TXNL1: variants seen among roughly 807,000 people sequenced by gnomAD.
The protein encoded by TXNL1 is thioredoxin-like protein 1.
Under a neutral mutation model 35.5 loss-of-function variants are expected in TXNL1, and 14 were observed. That is an observed-to-expected ratio of 0.39 (90% confidence interval 0.26 to 0.62). TXNL1 has a LOEUF of 0.62. Among genes scored for constraint, TXNL1 ranks in the 20% least tolerant of loss-of-function variants. The pLI is 0.47. For missense variants in TXNL1, 263 were observed against 349.7 expected (o/e 0.75, Z 1.98); for synonymous variants, 110 against 115.5 (o/e 0.95, Z 0.31).
In TXNL1 at chr18:56,602,854, C is replaced by T; in HGVS notation, c.*173G>A. On this transcript the variant is annotated 3_prime_UTR_variant, in exon 8 of 8. Transcript: ENST00000217515. ...TGGCAAAAGTGGTGACTTTTATTTACAATTGCATGTGTCAAGATTACAATG... is the reference window on the plus strand; with the variant it reads ...TGGCAAAAGTGGTGACTTTTATTTATAATTGCATGTGTCAAGATTACAATG... 2.8e-6 allele frequency: 2 copies of T among 720,398 alleles called. No individual in the cohort carries two copies. The highest frequency in any genetic ancestry group is 4.6e-6 in the Non-Finnish European group (2 of 431,024). The allele number at this position is 720,398 out of a possible 1,614,324, so 44.6% of individuals were successfully genotyped here.
In TXNL1 at chr18:56,618,055, G is replaced by C; in HGVS notation, c.441C>G (p.Asp147Glu). 3 of 1,613,850 alleles carry C rather than the reference G, an allele frequency of 1.9e-6. No individual in the cohort carries two copies. Among genetic ancestry groups the C allele is most frequent in the Non-Finnish European group, 2.5e-6 (3 of 1,179,922 alleles). The stretch of plus-strand genomic sequence containing the variant: ...AGGTTGTGTCTTTTCGTAAACAGTT[G>C]TCAAATCCATGCTCATCACTTTCAT... ...CLNESDEHGF[D>E]NCLRKDTTFL... Residue 147 changes from aspartate (D) to glutamate (E), a missense_variant, in exon 4 of 8, where the codon GAC becomes GAG. Transcript: ENST00000217515.
At chr18:56,618,191 T>A in intron 3 of TXNL1, 65 bp from the exon 4 acceptor site, 1 of 1,519,774 alleles carries the variant, frequency 6.6e-7, no homozygotes. Context: ...TTTAAAAAAT[T>A]TAAATCTCTG....
rs1219282704 is a variant in TXNL1 at position 56,618,073 on chromosome 18, A to G, written c.423T>C (p.Ser141=). 6.2e-7 allele frequency: 1 copy of G among 1,613,980 alleles called. No individual in the cohort carries two copies. The highest frequency in any genetic ancestry group is 1.7e-5 in the Admixed American group (1 of 60,020). ...NKAGCECLNE[S]DEHGFDNCLR... ...AACAGTTGTCAAATCCATGCTCATC[A>G]CTTTCATTAAGACATTCACAACCAG... Residue 141 remains serine (S), a synonymous_variant, in exon 4 of 8, where the codon AGT becomes AGC. Coordinates refer to ENST00000217515, the MANE Select transcript of TXNL1 (RefSeq NM_004786.3).
At chr18:56,630,678 C>T (rs867318256) in intron 1 of TXNL1, among the ~76,000 whole-genome samples, 1 of 152,138 alleles carries the variant, frequency 6.6e-6, no homozygotes, top group African/African-American at 2.4e-5. Flanking sequence ...TGCAGCTGAA[C>T]AGACTATTAA....
chr18:56,630,877 G>T (rs991997237), intron 1 of TXNL1, among the ~76,000 whole-genome samples: 1 of 150,460 alleles, frequency 6.6e-6, no homozygotes, highest in Non-Finnish European at 1.5e-5. Flanking sequence ...CAAATAAATC[G>T]ATCATTTTCT....
intron 3 of TXNL1, among the ~76,000 whole-genome samples, chr18:56,620,116 G>A (rs1419016198): frequency 1.3e-5 from 2 of 152,054 alleles, no homozygotes; most frequent in Non-Finnish European, 2.9e-5. Context: ...TTACAGGCGT[G>A]TGCCACCATG....
intron 1 of TXNL1, among the ~76,000 whole-genome samples, chr18:56,635,303 C>T (rs780531516): frequency 2.4e-4 from 36 of 151,972 alleles, no homozygotes; most frequent in African/African-American, 7.7e-4. Flanking sequence ...CAGGGATCCC[C>T]GCATAGCAAT....
At position 56,599,573 on chromosome 18, in the gene TXNL1, T is replaced by C. The variant is rs2023784419; in HGVS notation, c.*3454A>G. 2 of 152,222 alleles carry C rather than the reference T, an allele frequency of 1.3e-5. No homozygotes were observed. The highest frequency in any genetic ancestry group is 1.3e-4 in the Admixed American group (2 of 15,280). 9.4% of individuals were successfully genotyped at this position (152,222 alleles called of 1,614,324 possible). On this transcript the variant is annotated 3_prime_UTR_variant, in exon 8 of 8. Transcript: ENST00000217515. Reference sequence around the variant, plus strand: ...GTTCTGTGAATGGATTTTTTTTTTTTTTCTTTTGAGACAGTCTCACTCTGT... The same window carrying C: ...GTTCTGTGAATGGATTTTTTTTTTTCTTCTTTTGAGACAGTCTCACTCTGT...
In TXNL1 at chr18:56,598,861, A is replaced by G. The variant is rs1363424284; in HGVS notation, c.*4166T>C. ...GTTACTTGCTCAAGATGACACAGCT[A>G]ACAAGTGGAAGAGCAGGGATTCAAA... On this transcript the variant is annotated 3_prime_UTR_variant, in exon 8 of 8. Transcript: ENST00000217515. The G allele has an allele frequency of 6.6e-6, 1 of 152,236 alleles. No individual in the cohort carries two copies. The highest frequency in any genetic ancestry group is 1.5e-5 in the Non-Finnish European group (1 of 68,040). 9.4% of individuals were successfully genotyped at this position (152,236 alleles called of 1,614,324 possible).
intron 1 of TXNL1, among the ~76,000 whole-genome samples, chr18:56,637,446 G>C (rs1412536816): frequency 6.6e-6 from 1 of 152,146 alleles, no homozygotes; most frequent in African/African-American, 2.4e-5. Context: ...TACACAAGGA[G>C]AGATCTGTGA....
rs901847234 is a variant in TXNL1 at position 56,601,188 on chromosome 18, C to T, written c.*1839G>A. On this transcript the variant is annotated 3_prime_UTR_variant, in exon 8 of 8. Transcript: ENST00000217515. ...TGATATTTTAAATGCCAATTATGCA[C>T]ATTTATAATAGTAAGATTTCCCATT... is the stretch of plus-strand genomic sequence containing the variant. 7.2e-5 allele frequency: 11 copies of T among 152,072 alleles called. No individual in the cohort carries two copies. The highest frequency in any genetic ancestry group is 2.7e-4 in the African/African-American group (11 of 41,404). The allele number at this position is 152,072 out of a possible 1,614,324, so 9.4% of individuals were successfully genotyped here.
At chr18:56,613,554 C>G (rs2024031314) in intron 6 of TXNL1, among the ~76,000 whole-genome samples, 1 of 152,186 alleles carries the variant, frequency 6.6e-6, no homozygotes, top group African/African-American at 2.4e-5. Flanking sequence ...TGGCTGAAGC[C>G]TATAAACCCA....
At chr18:56,637,700 T>G (rs1389088720) in intron 1 of TXNL1, among the ~76,000 whole-genome samples, 5 of 152,224 alleles carry the variant, frequency 3.3e-5, no homozygotes, top group Non-Finnish European at 5.9e-5. Context: ...ATATATGTAC[T>G]GTCGTGTGTG....
intron 1 of TXNL1, among the ~76,000 whole-genome samples, chr18:56,627,824 G>C (rs2024309800): frequency 6.8e-6 from 1 of 147,840 alleles, no homozygotes; most frequent in African/African-American, 2.5e-5. Context: ...CTCAAACTAA[G>C]CAATGATTTC....
intron 1 of TXNL1, among the ~76,000 whole-genome samples, chr18:56,635,539 T>G (rs1339209592): frequency 6.6e-6 from 1 of 152,228 alleles, no homozygotes; most frequent in Non-Finnish European, 1.5e-5. Context: ...ATTTCACTTA[T>G]ATTAGGTGCC....
At chr18:56,605,218 A>G (rs1004605110) in intron 7 of TXNL1, 6 of 152,256 alleles carry the variant, frequency 3.9e-5, no homozygotes, top group Non-Finnish European at 8.8e-5. Flanking sequence ...TAGAAGCTGT[A>G]GAAATCTTGC....
rs1040684437 is a variant in TXNL1, at chr18:56,598,909, T to C, written c.*4118A>G. 1.3e-5 allele frequency: 2 copies of C among 152,190 alleles called. No individual in the cohort carries two copies. Among genetic ancestry groups the C allele is most frequent in the African/African-American group, 4.8e-5 (2 of 41,442 alleles). The allele number at this position is 152,190 out of a possible 1,614,324, so 9.4% of individuals were successfully genotyped here. A position where few individuals can be genotyped will look rare whatever the true frequency, so the allele number is the denominator to read the frequency against. On this transcript the variant is annotated 3_prime_UTR_variant, in exon 8 of 8. Coordinates refer to ENST00000217515, the MANE Select transcript of TXNL1 (RefSeq NM_004786.3). ...AAACTTCAGAGATTTTGCTCCTAGG[T>C]AGTATGATGAGCCAGTATCTCCAAA...
chr18:56,638,237 C>G, intron 1 of TXNL1, 106 bp downstream of exon 1: 1 of 1,215,142 alleles, frequency 8.2e-7, no homozygotes, highest in Non-Finnish European at 1.1e-6. Context: ...CGGCGACTGC[C>G]GGACACTCCG....
At chr18:56,621,824 A>C (rs1169556201) in intron 3 of TXNL1, among the ~76,000 whole-genome samples, 2 of 151,586 alleles carry the variant, frequency 1.3e-5, no homozygotes, top group Non-Finnish European at 2.9e-5. Flanking sequence ...ACATGGTGAA[A>C]CCCCCTCTCT....
Sources: gnomAD v4.1 joint callset for allele counts (sites outside exome capture counted in the v4.1 genomes callset) on GRCh38, gnomAD v4.1.1 for gene constraint, MANE v1.5 for transcripts, NCBI Gene and HGNC (gene_info 2026-07-23, HGNC 2026-07-21) for gene names.